The following TMEM14B variants were observed in gnomAD, a reference collection of about 807,000 sequenced individuals.
TMEM14B encodes transmembrane protein 14B.
TMEM14B carries 9 observed loss-of-function variants against 14.8 expected under a neutral mutation model. The observed-to-expected ratio is 0.61, with a 90% CI of 0.37 to 1.06. The LOEUF is 1.06. Among genes scored for constraint, TMEM14B ranks in the 50% least tolerant of loss-of-function variants. TMEM14B has a pLI of 0.01. For synonymous variants in TMEM14B, 40 were observed against 51.3 expected, an observed-to-expected ratio of 0.78 and a Z score of 0.94; for missense variants, 128 against 143.6, an observed-to-expected ratio of 0.89 and a Z score of 0.56.
chr6:10,751,028 TGA>T lies in TMEM14B; in HGVS notation c.101-101_101-100del, dbSNP rs952534993. 1.0e-5 allele frequency: 14 copies of T among 1,368,176 alleles called. No individual in the cohort carries two copies. The African/African-American group carries it at 1.6e-4, about 16-fold the overall frequency. 84.8% of individuals were successfully genotyped at this position (1,368,176 alleles called of 1,614,324 possible). On this transcript the variant is annotated intron_variant, in intron 3 of 5. Transcript: ENST00000379542. ...AGTCCACCTTGGCTGTGAGCTGTGT[TGA>T]GAGTTCTTTGTGCTGTCCTTTGTAG...
downstream of TMEM14B, among the ~76,000 whole-genome samples, chr6:10,758,617 T>TAGAA (rs1183985820): frequency 2.6e-5 from 4 of 152,120 alleles, no homozygotes; most frequent in African/African-American, 9.7e-5. Context: ...AAAGGCAGTA[T>TAGAA]AGAAATAAGT....
At chr6:10,749,847 G>C in intron 3 of TMEM14B, 149 bp downstream of exon 3, 1 of 881,512 alleles carries the variant, frequency 1.1e-6, no homozygotes, top group East Asian at 2.4e-5. Context: ...CAGTCTTGCA[G>C]CTCCTGCCCT....
intron 3 of TMEM14B, among the ~76,000 whole-genome samples, chr6:10,750,517 G>C (rs1023049956): frequency 3.3e-5 from 5 of 151,808 alleles, no homozygotes; most frequent in African/African-American, 1.2e-4. Context: ...TTACAGGAAA[G>C]TAAACAGTTC....
chr6:10,748,076 A>G (rs547536462), intron 1 of TMEM14B, among the ~76,000 whole-genome samples, 195 bp downstream of exon 1: 4 of 152,008 alleles, frequency 2.6e-5, no homozygotes, highest in Admixed American at 6.5e-5. Context: ...GGAGCACCTG[A>G]GCTCCTGAGG....
chr6:10,751,624 C>A (rs1349124961), intron 4 of TMEM14B, among the ~76,000 whole-genome samples: 1 of 152,034 alleles, frequency 6.6e-6, no homozygotes, highest in Non-Finnish European at 1.5e-5. Flanking sequence ...TGAGGTTTTC[C>A]GCTGAAGACC....
At position 10,751,692 on chromosome 6, in the gene TMEM14B, C is replaced by T. The variant is rs7754850; in HGVS notation, c.202+458C>T. Among the ~76,000 whole-genome samples the T allele has an allele frequency of 3.8e-3, 584 of 152,186 alleles. 8 individuals carry two copies. The highest frequency in any genetic ancestry group is 0.014 in the African/African-American group (563 of 41,468). On this transcript the variant is annotated intron_variant, in intron 4 of 5. Coordinates refer to ENST00000379542, the MANE Select transcript of TMEM14B (RefSeq NM_030969.5). ...CTGGGTTAGGTTTGCAGCTGCGTTA[C>T]GTTTTTCACATTTGAAAATCACCTC...
downstream of TMEM14B, chr6:10,757,117 TTTGA>T: frequency 5.4e-6 from 3 of 559,836 alleles, no homozygotes; most frequent in Non-Finnish European, 6.8e-6. Context: ...AGGAAAGTTA[TTTGA>T]TTGTACATTG....
At chr6:10,751,611 C>T (rs1282929390) in intron 4 of TMEM14B, among the ~76,000 whole-genome samples, 3 of 152,012 alleles carry the variant, frequency 2.0e-5, no homozygotes, top group East Asian at 1.9e-4. Flanking sequence ...ATGTGTCAAC[C>T]GTTGAGGTTT....
chr6:10,759,438 C>T (rs1031755682), downstream of TMEM14B: 2 of 152,026 alleles, frequency 1.3e-5, no homozygotes, highest in Non-Finnish European at 2.9e-5. Flanking sequence ...CATGGAAATC[C>T]CCGTGAACAT....
At chr6:10,758,926 TTTTTTTTTTG>T, downstream of TMEM14B, 1 of 171,312 alleles carries the variant, frequency 5.8e-6, no homozygotes, top group South Asian at 9.1e-5. Context: ...TTTTTTTTTT[TTTTTTTTTTG>T]AGATGGAGTA....
At chr6:10,755,612 G>C in intron 5 of TMEM14B, 1 of 1,230,972 alleles carries the variant, frequency 8.1e-7, no homozygotes. Flanking sequence ...ATTGAATCCT[G>C]TTTTCTAATT....
intron 1 of TMEM14B, among the ~76,000 whole-genome samples, chr6:10,748,846 T>C (rs1211535385): frequency 6.6e-6 from 1 of 152,154 alleles, no homozygotes; most frequent in Non-Finnish European, 1.5e-5. Context: ...ATTAAAGTAG[T>C]TGGATTAAGG....
At chr6:10,752,845 T>C (rs1352614799) in intron 4 of TMEM14B, 1 of 152,146 alleles carries the variant, frequency 6.6e-6, no homozygotes, top group Non-Finnish European at 1.5e-5. Flanking sequence ...CCCATCCAAG[T>C]ACCATGCAGG....
At chr6:10,749,099 A>C (rs1771448735) in intron 1 of TMEM14B, 103 bp from the exon 2 acceptor site, 2 of 721,546 alleles carry the variant, frequency 2.8e-6, no homozygotes, top group Non-Finnish European at 4.9e-6. Flanking sequence ...ACAGTGAAGG[A>C]TACTGAGACT....
downstream of TMEM14B, among the ~76,000 whole-genome samples, chr6:10,758,687 G>A (rs139297221): frequency 5.9e-5 from 9 of 152,108 alleles, no homozygotes; most frequent in African/African-American, 2.2e-4. Context: ...GGGCATTTCT[G>A]TTGAGGGAGT....
chr6:10,749,320 AGT>A (rs1771459842), intron 2 of TMEM14B, 52 bp downstream of exon 2: 6 of 1,608,298 alleles, frequency 3.7e-6, no homozygotes, highest in Middle Eastern at 1.7e-4. Context: ...TGGAAACCAG[AGT>A]TCCTTTCCTC....
At chr6:10,757,922 C>T (rs9467463), downstream of TMEM14B, among the ~76,000 whole-genome samples, 2,978 of 151,282 alleles carry the variant, frequency 0.02, 72 homozygotes, top group African/African-American at 0.063. Context: ...ACCCAGGAGG[C>T]TGTGGTTGCA....
intron 5 of TMEM14B, chr6:10,755,535 T>TG (rs1028273517): frequency 5.9e-6 from 8 of 1,357,346 alleles, no homozygotes; most frequent in Admixed American, 3.3e-5. Flanking sequence ...GGAGGATGTG[T>TG]GGGGGTCCCA....
chr6:10,758,970 G>A (rs1771892661), downstream of TMEM14B: 1 of 170,984 alleles, frequency 5.8e-6, no homozygotes, highest in African/African-American at 2.6e-5. Context: ...CCAAGCTGGG[G>A]TGCAATGGTG....
Sources: gnomAD v4.1 joint callset for allele counts (sites outside exome capture counted in the v4.1 genomes callset) on GRCh38, gnomAD v4.1.1 for gene constraint, MANE v1.5 for transcripts, NCBI Gene and HGNC (gene_info 2026-07-23, HGNC 2026-07-21) for gene names.